TTBK2: variants seen among roughly 807,000 people sequenced by gnomAD.
The protein encoded by TTBK2 is tau-tubulin kinase 2.
In TTBK2, 28 loss-of-function variants were observed where a neutral mutation model predicts 110.8. That is an observed-to-expected ratio of 0.25 (90% confidence interval 0.19 to 0.35). The LOEUF is 0.35. TTBK2 is among the 10% of genes least tolerant of loss of function. TTBK2 has a pLI of 1.00. For synonymous variants in TTBK2, 532 were observed against 527.3 expected (o/e 1.01, Z -0.12); for missense variants, 1,369 against 1,500.3 (o/e 0.91, Z 1.45).
intron 6 of TTBK2, among the ~76,000 whole-genome samples, chr15:42,817,759 T>C (rs913151826): frequency 6.6e-6 from 1 of 152,214 alleles, no homozygotes; most frequent in African/African-American, 2.4e-5. Flanking sequence ...TTTGTCTCCT[T>C]CCACAATGGA....
intron 1 of TTBK2, among the ~76,000 whole-genome samples, chr15:42,879,536 C>T (rs1894952597): frequency 6.6e-6 from 1 of 151,982 alleles, no homozygotes; most frequent in Non-Finnish European, 1.5e-5. Context: ...AGGCCACATA[C>T]TGTATTCTCT....
intron 1 of TTBK2, among the ~76,000 whole-genome samples, chr15:42,883,593 T>C (rs1176869168): frequency 7.9e-5 from 12 of 151,188 alleles, no homozygotes; most frequent in Admixed American, 7.2e-4. Context: ...CACAAAGAGA[T>C]ATCAGGAAAA....
At chr15:42,862,369 T>C (rs1462934345) in intron 3 of TTBK2, among the ~76,000 whole-genome samples, 1 of 151,950 alleles carries the variant, frequency 6.6e-6, no homozygotes, top group Non-Finnish European at 1.5e-5. Context: ...CAGCAGCACA[T>C]CCAAAAGTTA....
chr15:42,895,758 C>T (rs1189819701), intron 1 of TTBK2, among the ~76,000 whole-genome samples: 2 of 151,906 alleles, frequency 1.3e-5, no homozygotes, highest in Non-Finnish European at 2.9e-5. Flanking sequence ...AGGATGGCCT[C>T]GATCTCCTGA....
intron 9 of TTBK2, chr15:42,798,104 A>C: frequency 2.5e-6 from 1 of 396,662 alleles, no homozygotes; most frequent in Non-Finnish European, 5.0e-6. Context: ...GGATGGTCTG[A>C]AACTCCTGAC....
chr15:42,831,268 C>T (rs1892748874), intron 4 of TTBK2, among the ~76,000 whole-genome samples: 1 of 151,956 alleles, frequency 6.6e-6, no homozygotes, highest in Non-Finnish European at 1.5e-5. Context: ...GATGGAGTCT[C>T]GCTATGTTGA....
intron 5 of TTBK2, among the ~76,000 whole-genome samples, chr15:42,829,515 A>T (rs1368951703): frequency 6.6e-6 from 1 of 152,240 alleles, no homozygotes; most frequent in Admixed American, 6.5e-5. Flanking sequence ...AGCACACATA[A>T]TAATAGTCAA....
At chr15:42,915,850 G>A (rs2031052908) in intron 1 of TTBK2, among the ~76,000 whole-genome samples, 2 of 152,060 alleles carry the variant, frequency 1.3e-5, no homozygotes, top group South Asian at 4.1e-4. Flanking sequence ...AGGAGGCTAA[G>A]GGGGGAGGAC....
At chr15:42,766,218 G>A (rs1045328039) in intron 13 of TTBK2, among the ~76,000 whole-genome samples, 1 of 151,722 alleles carries the variant, frequency 6.6e-6, no homozygotes, top group Admixed American at 6.6e-5. Context: ...CAACTAACTG[G>A]CAAAATAACC....
At chr15:42,807,603 G>GTTGTT (rs1567035817) in intron 9 of TTBK2, among the ~76,000 whole-genome samples, 1 of 151,458 alleles carries the variant, frequency 6.6e-6, no homozygotes, top group Non-Finnish European at 1.5e-5. Context: ...TGTTGTTGTT[G>GTTGTT]TTGTTTTGTT....
intron 3 of TTBK2, among the ~76,000 whole-genome samples, chr15:42,864,702 A>G (rs973805330): frequency 6.6e-6 from 1 of 152,172 alleles, no homozygotes; most frequent in Non-Finnish European, 1.5e-5. Flanking sequence ...AAATTGAGGT[A>G]ATTTTTTGGC....
In TTBK2 at chr15:42,902,708, CAG is replaced by C. The variant is rs2030121608; in HGVS notation, c.-68+17728_-68+17729del. Among the ~76,000 whole-genome samples, 4 of 152,028 alleles carry C rather than the reference CAG, an allele frequency of 2.6e-5. No individual in the cohort carries two copies. In the South Asian group the frequency reaches 8.3e-4, roughly 32 times the overall value. On this transcript the variant is annotated intron_variant, in intron 1 of 14. Transcript: ENST00000267890. ...TGCGGCAGTTCCTCAAATAATCAAA[CAG>C]GGCCAGGCGCAGTGGCTCAAGCCTG...
At chr15:42,918,470 A>C (rs1179382217) in intron 1 of TTBK2, among the ~76,000 whole-genome samples, 1 of 152,178 alleles carries the variant, frequency 6.6e-6, no homozygotes, top group Non-Finnish European at 1.5e-5. Context: ...GCAATCAAGC[A>C]GTCATCTGGA....
chr15:42,789,854 TACACAC>T (rs58536399), intron 10 of TTBK2, among the ~76,000 whole-genome samples: 22 of 147,818 alleles, frequency 1.5e-4, no homozygotes, highest in African/African-American at 3.8e-4. Context: ...ATACATACAA[TACACAC>T]ACACACACAC....
chr15:42,843,758 C>CAAAAAAAAA (rs57403388), intron 3 of TTBK2, among the ~76,000 whole-genome samples: 1 of 71,668 alleles, frequency 1.4e-5, no homozygotes, highest in African/African-American at 5.1e-5. Flanking sequence ...GACTTGGTCT[C>CAAAAAAAAA]AAAAAAAAAA....
chr15:42,856,701 T>C (rs1466278827), intron 3 of TTBK2, among the ~76,000 whole-genome samples: 1 of 152,180 alleles, frequency 6.6e-6, no homozygotes, highest in Non-Finnish European at 1.5e-5. Flanking sequence ...TTGTCTCTAC[T>C]TAAAAAAAAA....
intron 7 of TTBK2, among the ~76,000 whole-genome samples, chr15:42,813,086 T>C (rs1038519367): frequency 6.6e-6 from 1 of 151,898 alleles, no homozygotes; most frequent in African/African-American, 2.4e-5. Flanking sequence ...TATAAGAATC[T>C]TCCAGAATCA....
At position 42,741,928 on chromosome 15, in the gene TTBK2, A is replaced by AAAACT. The variant is rs2061754175; in HGVS notation, c.*3862_*3866dup. 6.6e-6 allele frequency: 1 copy of AAAACT among 152,244 alleles called. No homozygotes were observed. The highest frequency in any genetic ancestry group is 6.5e-5 in the Admixed American group (1 of 15,286). 9.4% of individuals were successfully genotyped at this position (152,244 alleles called of 1,614,324 possible). The stretch of plus-strand genomic sequence containing the variant: ...TTTAATTCAAAGCTCTGGGTATAGA[A>AAAACT]AAACTAATTATGGTTTTAGCTATCT... On this transcript the variant is annotated 3_prime_UTR_variant, in exon 15 of 15. Coordinates refer to ENST00000267890, the MANE Select transcript of TTBK2 (RefSeq NM_173500.4).
intron 6 of TTBK2, among the ~76,000 whole-genome samples, chr15:42,826,895 A>G (rs1364188426): frequency 6.6e-6 from 1 of 152,214 alleles, no homozygotes; most frequent in Non-Finnish European, 1.5e-5. Flanking sequence ...TACAGCTTAG[A>G]GAATAGCTGG....
Sources: gnomAD v4.1 joint callset for allele counts (sites outside exome capture counted in the v4.1 genomes callset) on GRCh38, gnomAD v4.1.1 for gene constraint, MANE v1.5 for transcripts, NCBI Gene and HGNC (gene_info 2026-07-23, HGNC 2026-07-21) for gene names.